SCML1: variants seen among roughly 807,000 people sequenced by gnomAD.
SCML1 encodes Scm polycomb group protein like 1.
For synonymous variants in SCML1, 104 were observed against 103.6 expected (o/e 1.00, Z -0.02); for missense variants, 137 against 258.1 (o/e 0.53, Z 3.22).
Position 17,754,575 on chromosome X carries a change from T to C in SCML1, c.*1183T>C, listed in dbSNP as rs974139178. The C allele has an allele frequency of 8.9e-6, 1 of 112,924 alleles. No individual in the cohort carries two copies. The highest frequency in any genetic ancestry group is 1.9e-5 in the Non-Finnish European group (1 of 53,319). The allele number at this position is 112,924 out of a possible 1,213,427, so 9.3% of individuals were successfully genotyped here. ...ACTAATCTTTGGGGGCTTTATTTTG[T>C]AAGTTAGAACTTTCAAGGGAAACAT... is the stretch of plus-strand genomic sequence containing the variant. On this transcript the variant is annotated 3_prime_UTR_variant, in exon 8 of 8. Transcript: ENST00000380041.
intron 5 of SCML1, 138 bp from the exon 6 acceptor site, chrX:17,749,756 T>C (rs1195127046): frequency 3.4e-6 from 2 of 594,069 alleles, no homozygotes; most frequent in Non-Finnish European, 5.3e-6. Context: ...GATTGAAGAA[T>C]TATATAATCA....
chrX:17,739,848 CAAAAA>C (rs747850155), intron 1 of SCML1, among the ~76,000 whole-genome samples: 3 of 32,854 alleles, frequency 9.1e-5, no homozygotes, highest in African/African-American at 2.1e-4. Flanking sequence ...GACTCTGTCT[CAAAAA>C]AAAAAAAAAA....
At chrX:17,751,689 G>A in intron 6 of SCML1, 126 bp from the exon 7 acceptor site, 1 of 715,321 alleles carries the variant, frequency 1.4e-6, no homozygotes, top group Admixed American at 3.2e-5. Flanking sequence ...TTGACTCCTT[G>A]CTAGGAACAT....
rs1011525032 is a variant in SCML1 at position 17,754,843 on chromosome X, TCTTA to T, written c.*1456_*1459del. 2.6e-4 allele frequency: 29 copies of T among 112,962 alleles called. No individual in the cohort carries two copies. Among genetic ancestry groups the T allele is most frequent in the African/African-American group, 8.7e-4 (27 of 31,001 alleles). The allele number at this position is 112,962 out of a possible 1,213,427, so 9.3% of individuals were successfully genotyped here. A position where few individuals can be genotyped will look rare whatever the true frequency, so the allele number is the denominator to read the frequency against. On this transcript the variant is annotated 3_prime_UTR_variant, in exon 8 of 8. Coordinates refer to ENST00000380041, the MANE Select transcript of SCML1 (RefSeq NM_001037540.3). ...TGTTATTCCTTACATGTCATAAGATTCTTACTTAAACTTGGTCTTCTTTCAAATT... is the reference window on the plus strand; with the variant it reads ...TGTTATTCCTTACATGTCATAAGATTCTTAAACTTGGTCTTCTTTCAAATT...
chrX:17,745,954 G>A, intron 3 of SCML1, 64 bp from the exon 4 acceptor site: 1 of 625,051 alleles, frequency 1.6e-6, no homozygotes, highest in Non-Finnish European at 2.5e-6. Flanking sequence ...GCTCCCCCCT[G>A]CCCCCAGTGT....
At chrX:17,748,029 A>C (rs1030646649) in intron 4 of SCML1, among the ~76,000 whole-genome samples, 1 of 111,151 alleles carries the variant, frequency 9.0e-6, no homozygotes, top group Non-Finnish European at 1.9e-5. Context: ...GCTTGTGAAA[A>C]CATAGACCAC....
chrX:17,739,410 T>C (rs1226655947), intron 1 of SCML1, among the ~76,000 whole-genome samples: 3 of 110,975 alleles, frequency 2.7e-5, no homozygotes. Flanking sequence ...TAAATGAGTT[T>C]CCTTTAAACT....
rs748370369 is a variant in SCML1, at chrX:17,753,297, G to A, written c.895G>A (p.Val299Met). 7.6e-6 allele frequency: 9 copies of A among 1,184,252 alleles called. No homozygotes were observed. Among genetic ancestry groups the A allele is most frequent in the East Asian group, 3.0e-5 (1 of 33,128 alleles). The change falls in exon 8 of 8, where the codon GTG (valine) becomes ATG (methionine). Residue 299 changes from valine to methionine, a missense_variant. Coordinates refer to ENST00000380041, the MANE Select transcript of SCML1 (RefSeq NM_001037540.3). Reference protein sequence around the residue: ...GKALLLLTSDVLLKHLGVKLG... With the variant: ...GKALLLLTSDMLLKHLGVKLG... ...GGCTCTGCTCCTACTCACGAGTGAC[G>A]TGTTGCTGAAGCACTTGGGGGTGAA...
intron 2 of SCML1, 65 bp from the exon 3 acceptor site, chrX:17,745,391 C>T: frequency 1.5e-6 from 1 of 665,078 alleles, no homozygotes; most frequent in Non-Finnish European, 2.4e-6. Flanking sequence ...GAAATTAAAC[C>T]CTCAACTTTT....
chrX:17,742,995 T>C (rs1223366668), intron 1 of SCML1, among the ~76,000 whole-genome samples: 1 of 112,201 alleles, frequency 8.9e-6, no homozygotes, highest in Non-Finnish European at 1.9e-5. Flanking sequence ...ACAGCAGTAG[T>C]TGGTTTATTC....
intron 7 of SCML1, among the ~76,000 whole-genome samples, 194 bp downstream of exon 7, chrX:17,752,160 G>C (rs779899046): frequency 2.0e-4 from 22 of 111,771 alleles, no homozygotes; most frequent in Non-Finnish European, 3.6e-4. Context: ...GGGTGTAGAA[G>C]TGCCTAAAAT....
chrX:17,744,614 CT>C (rs1358659056), intron 2 of SCML1: 8 of 119,434 alleles, frequency 6.7e-5, no homozygotes, highest in Admixed American at 1.8e-4. Context: ...CAGAAAACAC[CT>C]TTTTTTTAGT....
intron 5 of SCML1, 92 bp downstream of exon 5, chrX:17,749,596 G>A (rs1037583854): frequency 1.2e-5 from 7 of 569,080 alleles, no homozygotes; most frequent in Non-Finnish European, 2.0e-5. Context: ...ACCAGTATCT[G>A]TGTGAGATTA....
At chrX:17,750,319 T>C (rs201637297) in intron 6 of SCML1, 26 bp downstream of exon 6, 305 of 1,176,058 alleles carry the variant, frequency 2.6e-4, no homozygotes, top group Middle Eastern at 9.5e-4. Flanking sequence ...GAGAGCCCAA[T>C]TTGGTACATG....
Position 17,740,883 on chromosome X carries a change from T to C in SCML1, c.-116-3188T>C, listed in dbSNP as rs768530630. On this transcript the variant is annotated intron_variant, in intron 1 of 7. Coordinates refer to ENST00000380041, the MANE Select transcript of SCML1 (RefSeq NM_001037540.3). The stretch of plus-strand genomic sequence containing the variant: ...AGAGTGAAAGATTGGTGTTGATTTG[T>C]ATATGTACCAGAGATGTAAACATGT... Among the ~76,000 whole-genome samples the C allele has an allele frequency of 4.5e-5, 5 of 112,339 alleles. No individual in the cohort carries two copies. The South Asian group carries it at 1.9e-3, about 42-fold the overall frequency.
Position 17,753,506 on chromosome X carries a change from C to A in SCML1, c.*114C>A. 1.9e-6 allele frequency: 1 copy of A among 517,163 alleles called. No individual in the cohort carries two copies. 42.6% of individuals were successfully genotyped at this position (517,163 alleles called of 1,213,427 possible). A position where few individuals can be genotyped will look rare whatever the true frequency, so the allele number is the denominator to read the frequency against. On this transcript the variant is annotated 3_prime_UTR_variant, in exon 8 of 8. Coordinates refer to ENST00000380041, the MANE Select transcript of SCML1 (RefSeq NM_001037540.3). ...TTTTTGTTTTGTAGAAAGTATCTCT[C>A]AAAATATATTATAGCTAGAATTGTA...
chrX:17,738,912 A>C (rs2066567272), intron 1 of SCML1, among the ~76,000 whole-genome samples: 1 of 112,352 alleles, frequency 8.9e-6, no homozygotes, highest in African/African-American at 3.2e-5. Flanking sequence ...TTGGGCTCTG[A>C]GAAAATGTTG....
intron 4 of SCML1, among the ~76,000 whole-genome samples, chrX:17,746,561 G>A (rs1286862154): frequency 8.9e-6 from 1 of 112,242 alleles, no homozygotes; most frequent in Non-Finnish European, 1.9e-5. Flanking sequence ...TGATTACTGG[G>A]AATTTTGTGA....
chrX:17,750,053 C>T lies in SCML1; in HGVS notation c.463C>T (p.Pro155Ser), dbSNP rs2066692929. 8.3e-7 allele frequency: 1 copy of T among 1,212,040 alleles called. No individual in the cohort carries two copies. Among genetic ancestry groups the T allele is most frequent in the Non-Finnish European group, 1.1e-6 (1 of 895,559 alleles). Residue 155 changes from proline to serine, a missense_variant, in exon 6 of 8, where the codon CCA becomes TCA. Physicochemically the swap from Pro to Ser is moderately conservative, Grantham distance 74. Transcript: ENST00000380041. ...TGAGAATAATTCCCCGAGCAACCTT[C>T]CAAGGCCATCCTTTTGCATGGAAGA... ...RRENNSPSNL[P>S]RPSFCMEEYQ...
Sources: gnomAD v4.1 joint callset for allele counts (sites outside exome capture counted in the v4.1 genomes callset) on GRCh38, gnomAD v4.1.1 for gene constraint, MANE v1.5 for transcripts, NCBI Gene and HGNC (gene_info 2026-07-23, HGNC 2026-07-21) for gene names.